NIM1K: variants seen among roughly 807,000 people sequenced by gnomAD.
NIM1K encodes NIM1 serine/threonine protein kinase.
Under a neutral mutation model 37.1 loss-of-function variants are expected in NIM1K, and 35 were observed. That is an observed-to-expected ratio of 0.94 (90% CI 0.72 to 1.25). NIM1K has a LOEUF of 1.25. Among genes scored for constraint, NIM1K ranks in the 50% most tolerant of loss-of-function variants. The probability of loss-of-function intolerance (pLI) is 0.00; values close to 1 mark genes in which losing one functional copy is unlikely to be tolerated. For missense variants in NIM1K, 564 were observed against 548.0 expected, an observed-to-expected ratio of 1.03 and a Z score of -0.29; for synonymous variants, 234 against 206.6, an observed-to-expected ratio of 1.13 and a Z score of -1.14.
intron 2 of NIM1K, among the ~76,000 whole-genome samples, chr5:43,268,862 G>A (rs1384115602): frequency 6.6e-6 from 1 of 152,136 alleles, no homozygotes; most frequent in Admixed American, 6.5e-5. Context: ...AAGGCTAAAG[G>A]CAAGAGGGAG....
At chr5:43,192,697 T>TGCCCGTGTCATGTGCGGC (rs1344023024) in intron 1 of NIM1K, among the ~76,000 whole-genome samples, 183 of 152,264 alleles carry the variant, frequency 1.2e-3, no homozygotes, top group African/African-American at 4.2e-3. Flanking sequence ...TCATGTGTGG[T>TGCCCGTGTCATGTGCGGC]GCCCGTGTCA....
In NIM1K at chr5:43,233,047, C is replaced by T. The variant is rs1033684212; in HGVS notation, c.-694-12035C>T. ...GCTGTTGAAGGAGTCATCTCCTCCC[C>T]GAGTGGTCTTGTCACTTGGCATCTG... is the stretch of plus-strand genomic sequence containing the variant. On this transcript the variant is annotated intron_variant, in intron 1 of 3. Transcript: ENST00000326035. 2.5e-5 allele frequency: 32 copies of T among 1,297,478 alleles called. No homozygotes were observed. In the Admixed American group the frequency reaches 2.5e-4, roughly 10 times the overall value. The allele number at this position is 1,297,478 out of a possible 1,614,324, so 80.4% of individuals were successfully genotyped here.
intron 1 of NIM1K, among the ~76,000 whole-genome samples, chr5:43,209,009 AAAG>A (rs1327053041): frequency 1.3e-5 from 2 of 152,242 alleles, no homozygotes; most frequent in Non-Finnish European, 2.9e-5. Context: ...TGAGAAGTGC[AAAG>A]AAGGTCTTGA....
chr5:43,254,611 G>A (rs1045821430), intron 2 of NIM1K, among the ~76,000 whole-genome samples: 7 of 152,280 alleles, frequency 4.6e-5, no homozygotes, highest in African/African-American at 1.4e-4. Flanking sequence ...AGAAATATTC[G>A]AGGGAGCAAT....
intron 2 of NIM1K, among the ~76,000 whole-genome samples, chr5:43,250,549 T>A (rs1277661034): frequency 1.3e-5 from 2 of 152,224 alleles, no homozygotes; most frequent in African/African-American, 4.8e-5. Flanking sequence ...AGCTTTTGAA[T>A]CCTTACTCAT....
At chr5:43,258,444 CTTT>C (rs747012000) in intron 2 of NIM1K, among the ~76,000 whole-genome samples, 3 of 141,852 alleles carry the variant, frequency 2.1e-5, no homozygotes, top group South Asian at 2.3e-4. Flanking sequence ...TTTTGGTAAA[CTTT>C]TTTTTTTTTT....
intron 1 of NIM1K, among the ~76,000 whole-genome samples, chr5:43,226,909 A>T (rs1456668428): frequency 6.6e-6 from 1 of 152,218 alleles, no homozygotes; most frequent in Non-Finnish European, 1.5e-5. Flanking sequence ...GAAGTAGTCA[A>T]AGAAGGCCTC....
chr5:43,196,025 C>T (rs145026253), intron 1 of NIM1K, among the ~76,000 whole-genome samples: 16 of 152,256 alleles, frequency 1.1e-4, no homozygotes, highest in Non-Finnish European at 1.3e-4. Flanking sequence ...TTAGCAAAAT[C>T]GTGTGACTTG....
chr5:43,232,760 A>G, intron 1 of NIM1K: 1 of 1,167,844 alleles, frequency 8.6e-7, no homozygotes, highest in Non-Finnish European at 1.2e-6. Context: ...AAGCTGTGGA[A>G]AAACAAGAAG....
At chr5:43,267,605 C>T (rs181160548) in intron 2 of NIM1K, among the ~76,000 whole-genome samples, 1 of 152,174 alleles carries the variant, frequency 6.6e-6, no homozygotes, top group African/African-American at 2.4e-5. Context: ...AAACTTTCCT[C>T]TTAGCACCAC....
chr5:43,259,686 T>C (rs775444892), intron 2 of NIM1K, among the ~76,000 whole-genome samples: 9 of 152,198 alleles, frequency 5.9e-5, no homozygotes, highest in African/African-American at 9.6e-5. Context: ...TGGATATTAG[T>C]TCTTTGTCAG....
At chr5:43,249,824 C>T (rs1752840884) in intron 2 of NIM1K, among the ~76,000 whole-genome samples, 1 of 149,060 alleles carries the variant, frequency 6.7e-6, no homozygotes, top group African/African-American at 2.5e-5. Flanking sequence ...GTTCTACATC[C>T]TAGTTGACAT....
chr5:43,246,165 C>A (rs1752776898), intron 2 of NIM1K, 98 bp downstream of exon 2: 4 of 1,038,982 alleles, frequency 3.8e-6, no homozygotes, highest in Non-Finnish European at 5.5e-6. Flanking sequence ...GTAAAGTGAC[C>A]TCAGCAGAGC....
In NIM1K at chr5:43,223,525, C is replaced by G. The variant is rs370425479; in HGVS notation, c.-694-21557C>G. Among the ~76,000 whole-genome samples, 7 of 152,270 alleles carry G rather than the reference C, an allele frequency of 4.6e-5. 1 individual carries two copies. The East Asian group carries it at 1.2e-3, about 25-fold the overall frequency. ...TTGGATATCTCATTTTCCACATTGC[C>G]TTACTACCTAGACATTTTCATAGTA... On this transcript the variant is annotated intron_variant, in intron 1 of 3. Coordinates refer to ENST00000326035, the MANE Select transcript of NIM1K (RefSeq NM_153361.4).
At chr5:43,265,887 T>C (rs1001361422) in intron 2 of NIM1K, among the ~76,000 whole-genome samples, 1 of 152,166 alleles carries the variant, frequency 6.6e-6, no homozygotes, top group Non-Finnish European at 1.5e-5. Context: ...TTGCTGGAGG[T>C]CCACTTCAGA....
At chr5:43,278,053 T>C (rs1186745745) in intron 3 of NIM1K, among the ~76,000 whole-genome samples, 1 of 149,924 alleles carries the variant, frequency 6.7e-6, no homozygotes, top group Non-Finnish European at 1.5e-5. Context: ...TCTGTTTCTT[T>C]TTTTTTTTTT....
intron 2 of NIM1K, among the ~76,000 whole-genome samples, chr5:43,256,997 G>A (rs1483781222): frequency 6.6e-6 from 1 of 152,186 alleles, no homozygotes; most frequent in Non-Finnish European, 1.5e-5. Flanking sequence ...ACCCAAGTGA[G>A]CAGGGTATTT....
chr5:43,227,025 G>C (rs970590907), intron 1 of NIM1K, among the ~76,000 whole-genome samples: 2 of 152,202 alleles, frequency 1.3e-5, no homozygotes, highest in African/African-American at 4.8e-5. Flanking sequence ...TTGGGGCACA[G>C]ATAATCCGTG....
At chr5:43,232,884 C>A (rs1483260977) in intron 1 of NIM1K, 1 of 1,139,796 alleles carries the variant, frequency 8.8e-7, no homozygotes, top group Non-Finnish European at 1.3e-6. Flanking sequence ...AAGCATCTTC[C>A]TTGCCTGTGA....
Sources: allele counts gnomAD v4.1 joint callset (sites outside exome capture counted in the v4.1 genomes callset), GRCh38; gene constraint gnomAD v4.1.1; transcripts MANE v1.5; gene names NCBI Gene and HGNC (gene_info 2026-07-23, HGNC 2026-07-21).